Variants in ANXA4 observed in about 807,000 individuals in gnomAD.
ANXA4 encodes 35-beta calcimedin.
ANXA4 carries 39 observed loss-of-function variants against 49.8 expected under a neutral mutation model. The ratio of observed to expected loss-of-function variants is 0.78; its 90% confidence interval spans 0.61 to 1.02. The LOEUF is 1.02. ANXA4 is among the 50% of genes least tolerant of loss of function. The probability of loss-of-function intolerance (pLI) is 0.00; values close to 1 mark genes in which losing one functional copy is unlikely to be tolerated. For synonymous variants in ANXA4, 134 were observed against 152.5 expected (o/e 0.88, Z 0.89); for missense variants, 360 against 410.1 (o/e 0.88, Z 1.05).
intron 2 of ANXA4, among the ~76,000 whole-genome samples, chr2:69,715,927 G>A (rs2105416169): frequency 6.6e-6 from 1 of 152,264 alleles, no homozygotes; most frequent in Admixed American, 6.5e-5. Flanking sequence ...CCAAGGCATG[G>A]TCAATCACAA....
chr2:69,713,204 G>A (rs1678733266), intron 2 of ANXA4, among the ~76,000 whole-genome samples: 1 of 151,924 alleles, frequency 6.6e-6, no homozygotes, highest in Non-Finnish European at 1.5e-5. Flanking sequence ...GAAAATGAAA[G>A]GATGGAAGGA....
intron 2 of ANXA4, among the ~76,000 whole-genome samples, chr2:69,693,819 C>G (rs1678061880): frequency 6.6e-6 from 1 of 152,052 alleles, no homozygotes; most frequent in Non-Finnish European, 1.5e-5. Context: ...AACACAGGCC[C>G]CTTGTTTAGA....
chr2:69,790,364 T>C (rs1363604464), intron 3 of ANXA4, among the ~76,000 whole-genome samples: 1 of 152,066 alleles, frequency 6.6e-6, no homozygotes, highest in Admixed American at 6.5e-5. Flanking sequence ...CTGGGGTTGA[T>C]TTAAGGGTCC....
intron 1 of ANXA4, among the ~76,000 whole-genome samples, chr2:69,756,079 C>T (rs1671028238): frequency 1.3e-5 from 2 of 152,218 alleles, no homozygotes; most frequent in Non-Finnish European, 2.9e-5. Flanking sequence ...CAAAGATTTA[C>T]ACCAAAAAAG....
intron 2 of ANXA4, among the ~76,000 whole-genome samples, chr2:69,672,630 A>G (rs1005811115): frequency 2.0e-5 from 3 of 152,234 alleles, no homozygotes; most frequent in Admixed American, 6.5e-5. Context: ...AAACCAAACA[A>G]TATTTTTGTG....
chr2:69,669,630 A>G (rs921493618), intron 2 of ANXA4, among the ~76,000 whole-genome samples: 2 of 152,030 alleles, frequency 1.3e-5, no homozygotes, highest in Non-Finnish European at 2.9e-5. Flanking sequence ...AAAGAATCAT[A>G]GATTTTACCA....
chr2:69,774,879 G>GAAT (rs1212277933), intron 1 of ANXA4, among the ~76,000 whole-genome samples: 2 of 152,084 alleles, frequency 1.3e-5, no homozygotes, highest in African/African-American at 4.8e-5. Context: ...GTTCTCTCAG[G>GAAT]AATAACCTCC....
chr2:69,660,396 G>A (rs1004109961), intron 2 of ANXA4, among the ~76,000 whole-genome samples: 1 of 152,016 alleles, frequency 6.6e-6, no homozygotes, highest in African/African-American at 2.4e-5. Flanking sequence ...ACAAATCAAT[G>A]TAAAACAGAG....
At chr2:69,645,803 T>A (rs959266693) in intron 1 of ANXA4, among the ~76,000 whole-genome samples, 1 of 152,148 alleles carries the variant, frequency 6.6e-6, no homozygotes, top group East Asian at 1.9e-4. Flanking sequence ...TAATGACAAA[T>A]CCACAGTTTT....
At chr2:69,724,746 A>G (rs930970362) in intron 3 of ANXA4, among the ~76,000 whole-genome samples, 1 of 152,224 alleles carries the variant, frequency 6.6e-6, no homozygotes, top group Non-Finnish European at 1.5e-5. Context: ...AGCTGGGGCA[A>G]GAAAGAAAGA....
intron 1 of ANXA4, among the ~76,000 whole-genome samples, chr2:69,767,567 C>G (rs757150641): frequency 3.3e-5 from 5 of 152,182 alleles, no homozygotes; most frequent in African/African-American, 4.8e-5. Context: ...ATTACAGAGC[C>G]ATGCCACGTT....
At chr2:69,731,801 A>C (rs1454016040) in intron 3 of ANXA4, among the ~76,000 whole-genome samples, 1 of 152,120 alleles carries the variant, frequency 6.6e-6, no homozygotes, top group African/African-American at 2.4e-5. Context: ...TACTGATATG[A>C]TGCAAATGAT....
At chr2:69,648,385 C>T (rs1676088605) in intron 1 of ANXA4, among the ~76,000 whole-genome samples, 1 of 152,154 alleles carries the variant, frequency 6.6e-6, no homozygotes, top group Non-Finnish European at 1.5e-5. Context: ...TTTTGGGGCC[C>T]CATCCAGACC....
chr2:69,814,143 TG>T (rs1266870619), intron 8 of ANXA4, among the ~76,000 whole-genome samples: 1 of 150,854 alleles, frequency 6.6e-6, no homozygotes, highest in Non-Finnish European at 1.5e-5. Flanking sequence ...CTTTGTTTTA[TG>T]CAAAAAAAAA....
At chr2:69,766,931 C>T (rs1671516088) in intron 1 of ANXA4, among the ~76,000 whole-genome samples, 2 of 152,198 alleles carry the variant, frequency 1.3e-5, no homozygotes, top group African/African-American at 4.8e-5. Flanking sequence ...TTCTGGGGGG[C>T]AAGAATTTCC....
intron 2 of ANXA4, among the ~76,000 whole-genome samples, chr2:69,673,112 C>T (rs1677252099): frequency 6.6e-6 from 1 of 152,100 alleles, no homozygotes; most frequent in Non-Finnish European, 1.5e-5. Context: ...TGTGGCAATT[C>T]CTCAAGGATC....
chr2:69,800,725 C>T (rs1198580542), intron 3 of ANXA4, among the ~76,000 whole-genome samples: 6 of 151,990 alleles, frequency 3.9e-5, no homozygotes, highest in African/African-American at 7.3e-5. Flanking sequence ...ATGGCATGTG[C>T]GGAGGTCTAG....
chr2:69,650,841 G>C (rs2175131), intron 1 of ANXA4, among the ~76,000 whole-genome samples: 149,134 of 152,346 alleles, frequency 0.98, 73,016 homozygotes, highest in East Asian at 1. Flanking sequence ...AAAAGAAATC[G>C]ATTTCATTTT....
In ANXA4 at chr2:69,658,433, C is replaced by T. The variant is rs1315719477; in HGVS notation, n.766+5151C>T. The stretch of plus-strand genomic sequence containing the variant: ...AAAAAAAAAAGCAAACAATAGAAGC[C>T]GCTCCTTGCAGACATTTATTCCCCA... On this transcript the variant is annotated intron_variant and non_coding_transcript_variant, in intron 2 of 3. Transcript: ENST00000418066. Among the ~76,000 whole-genome samples the T allele has an allele frequency of 3.3e-5, 5 of 150,286 alleles. No homozygotes were observed. The East Asian group carries it at 5.9e-4, about 18-fold the overall frequency.
Sources: gnomAD v4.1 joint callset for allele counts (sites outside exome capture counted in the v4.1 genomes callset) on GRCh38, gnomAD v4.1.1 for gene constraint, MANE v1.5 for transcripts, NCBI Gene and HGNC (gene_info 2026-07-23, HGNC 2026-07-21) for gene names.